Variants in CPT1C observed in about 807,000 individuals in gnomAD.
CPT1C encodes palmitoyl thioesterase CPT1C.
Under a neutral mutation model 97.3 loss-of-function variants are expected in CPT1C, and 61 were observed. The ratio of observed to expected loss-of-function variants is 0.63; its 90% CI spans 0.51 to 0.78. The LOEUF (loss-of-function observed/expected upper bound fraction) is 0.78. Among genes scored for constraint, CPT1C ranks in the 30% least tolerant of loss-of-function variants. The probability of loss-of-function intolerance (pLI) is 0.00; values close to 1 mark genes in which losing one functional copy is unlikely to be tolerated. For missense variants in CPT1C, 975 were observed against 1,065.5 expected, an observed-to-expected ratio of 0.92 and a Z score of 1.18; for synonymous variants, 469 against 447.2, an observed-to-expected ratio of 1.05 and a Z score of -0.61.
At chr19:49,704,912 C>A in intron 8 of CPT1C, 95 bp from the exon 9 acceptor site, 1 of 1,403,692 alleles carries the variant, frequency 7.1e-7, no homozygotes. Context: ...ATCATTCCAC[C>A]CTCTTTTGGG....
intron 8 of CPT1C, 50 bp downstream of exon 8, chr19:49,704,837 G>A: frequency 1.3e-6 from 2 of 1,553,402 alleles, no homozygotes; most frequent in Non-Finnish European, 1.8e-6. Context: ...AGGGTTGGGG[G>A]GTACCTGGGC....
intron 4 of CPT1C, among the ~76,000 whole-genome samples, chr19:49,699,847 G>A (rs1488318689): frequency 6.6e-6 from 1 of 151,454 alleles, no homozygotes; most frequent in South Asian, 2.1e-4. Flanking sequence ...CCAGCTACTC[G>A]GGAGGCTGAG....
rs772384416 is a variant in CPT1C at position 49,697,317 on chromosome 19, T to TC, written c.142-5dup. 6.2e-7 allele frequency: 1 copy of TC among 1,613,808 alleles called. No homozygotes were observed. Among genetic ancestry groups the TC allele is most frequent in the Non-Finnish European group, 8.5e-7 (1 of 1,179,970 alleles). On this transcript the variant is annotated splice_polypyrimidine_tract_variant and intron_variant, in intron 3 of 19. Transcript: ENST00000598293. The stretch of plus-strand genomic sequence containing the variant: ...AGATGATTCAATGGATGCCCTTTCC[T>TC]CCCCACAGAATGACTTTCTCACCGG...
At chr19:49,703,153 TTTCC>T (rs1217040244) in intron 7 of CPT1C, among the ~76,000 whole-genome samples, 1 of 130,166 alleles carries the variant, frequency 7.7e-6, no homozygotes, top group Admixed American at 7.7e-5. Context: ...TCCTACCTTC[TTTCC>T]TGCCTGCCTG....
intron 3 of CPT1C, among the ~76,000 whole-genome samples, chr19:49,694,072 A>T (rs1012478028): frequency 7.6e-6 from 1 of 131,360 alleles, no homozygotes; most frequent in Admixed American, 7.4e-5. Context: ...CTCAAAAAAA[A>T]ATAAAATAAA....
intron 14 of CPT1C, among the ~76,000 whole-genome samples, 188 bp downstream of exon 14, chr19:49,709,027 A>T (rs2083682736): frequency 6.8e-6 from 1 of 146,520 alleles, no homozygotes; most frequent in African/African-American, 2.6e-5. Flanking sequence ...CACGAACCTC[A>T]TCTCCAGCCC....
At position 49,706,401 on chromosome 19, in the gene CPT1C, G is replaced by A. The variant is rs752011825; in HGVS notation, c.1331G>A (p.Arg444Gln). ...DAYAHALLAG[R>Q]GHDRWFDKSF... ...TACGCCCATGCTCTGCTGGCCGGCCGGGGCCATGATCGGTGAGTGAGTCTT... is the reference window on the plus strand; with the variant it reads ...TACGCCCATGCTCTGCTGGCCGGCCAGGGCCATGATCGGTGAGTGAGTCTT... Residue 444 changes from arginine to glutamine, a missense_variant, in exon 12 of 20, where the codon CGG becomes CAG. Around this residue, in one of 3 missense-constraint regions of CPT1C, gnomAD observed 596 missense variants for 603.1 expected, o/e 0.99. Coordinates refer to ENST00000598293, the MANE Select transcript of CPT1C (RefSeq NM_001199753.2). This position sits in a 1 kb window ranked among gnomAD's most constrained non-coding sequence, Gnocchi z 4.8. 21 of 1,486,900 alleles carry A rather than the reference G, an allele frequency of 1.4e-5. No individual in the cohort carries two copies. Among genetic ancestry groups the A allele is most frequent in the South Asian group, 2.7e-5 (2 of 73,786 alleles). The allele number at this position is 1,486,900 out of a possible 1,614,324, so 92.1% of individuals were successfully genotyped here. A position where few individuals can be genotyped will look rare whatever the true frequency, so the allele number is the denominator to read the frequency against.
chr19:49,701,574 G>C lies in CPT1C; in HGVS notation c.633G>C (p.Arg211Ser). 6.2e-7 allele frequency: 1 copy of C among 1,612,684 alleles called. No individual in the cohort carries two copies. Among genetic ancestry groups the C allele is most frequent in the Non-Finnish European group, 8.5e-7 (1 of 1,179,278 alleles). ...WTAVLAQEFL[R>S]LQASLLQWYL... ...CGGTCCTGGCGCAGGAATTCCTGAG[G>C]CTGCAGGCGTCGCTGCTGCAGTGGT... The change falls in exon 7 of 20, where the codon AGG becomes AGC. Residue 211 changes from arginine (R) to serine (S), a missense_variant. Coordinates refer to ENST00000598293, the MANE Select transcript of CPT1C (RefSeq NM_001199753.2).
At chr19:49,709,880 C>A (rs1260045335) in intron 14 of CPT1C, among the ~76,000 whole-genome samples, 2 of 147,282 alleles carry the variant, frequency 1.4e-5, no homozygotes, top group African/African-American at 2.5e-5. Flanking sequence ...CGGAGTCTTG[C>A]TCTGTACCCA....
At position 49,701,422 on chromosome 19, in the gene CPT1C, G is replaced by T. The variant is rs941965942; in HGVS notation, c.555+4G>T. ...TGTGCAGGACACCGTGCGCAAGGTGGGCCTGGGAGCGCGCAGACGGGCTGG... is the reference window on the plus strand; with the variant it reads ...TGTGCAGGACACCGTGCGCAAGGTGTGCCTGGGAGCGCGCAGACGGGCTGG... On this transcript the variant is annotated splice_donor_region_variant and intron_variant, in intron 6 of 19. Coordinates refer to ENST00000598293, the MANE Select transcript of CPT1C (RefSeq NM_001199753.2). The T allele has an allele frequency of 6.2e-7, 1 of 1,603,146 alleles. No individual in the cohort carries two copies. Among genetic ancestry groups the T allele is most frequent in the Admixed American group, 1.7e-5 (1 of 59,112 alleles).
intron 15 of CPT1C, 109 bp from the exon 16 acceptor site, chr19:49,710,614 C>T (rs757720609): frequency 6.4e-6 from 10 of 1,566,170 alleles, no homozygotes; most frequent in Non-Finnish European, 7.9e-6. Context: ...CTCTTCCAAC[C>T]ATTCTTGGGC....
chr19:49,691,479 T>C (rs540389122), intron 1 of CPT1C, 139 bp downstream of exon 1: 41 of 152,160 alleles, frequency 2.7e-4, no homozygotes, highest in African/African-American at 8.2e-4. Context: ...CTGCGAGGCA[T>C]GCGCAGTGGG....
chr19:49,706,276 G>T lies in CPT1C; in HGVS notation c.1206G>T (p.Ala402=). ...GGACATCCCTGAAGACCCAGGCAGCGGAGGCCCTGGAGGCGGTGGAAGGGG... is the reference window on the plus strand; with the variant it reads ...GGACATCCCTGAAGACCCAGGCAGCTGAGGCCCTGGAGGCGGTGGAAGGGG... ...QVRTSLKTQA[A]EALEAVEGAA... The change falls in exon 12 of 20, where the codon GCG becomes GCT. Residue 402 remains alanine (A), a synonymous_variant. Coordinates refer to ENST00000598293, the MANE Select transcript of CPT1C (RefSeq NM_001199753.2). This position sits in a 1 kb window ranked among gnomAD's most constrained non-coding sequence, Gnocchi z 4.8. The T allele has an allele frequency of 4.6e-6, 7 of 1,536,226 alleles. No individual in the cohort carries two copies. Among genetic ancestry groups the T allele is most frequent in the Non-Finnish European group, 6.1e-6 (7 of 1,144,682 alleles).
At position 49,710,805 on chromosome 19, in the gene CPT1C, G is replaced by C; in HGVS notation, c.1814G>C (p.Cys605Ser). The C allele has an allele frequency of 1.2e-6, 2 of 1,614,038 alleles. No individual in the cohort carries two copies. The highest frequency in any genetic ancestry group is 1.7e-6 in the Non-Finnish European group (2 of 1,179,956). Reference sequence around the variant, plus strand: ...GGCCGGACGGAGACGGTGCGGTCTTGCACGAGGGAGGCCTGCAACTTTGTC... The same window carrying C: ...GGCCGGACGGAGACGGTGCGGTCTTCCACGAGGGAGGCCTGCAACTTTGTC... ...LEGRTETVRSCTREACNFVRA... is the reference protein window; with the variant it reads ...LEGRTETVRSSTREACNFVRA... The change falls in exon 16 of 20, where the codon TGC becomes TCC. Residue 605 changes from cysteine (C) to serine (S), a missense_variant. Physicochemically the swap from Cys to Ser is moderately radical, Grantham distance 112. This residue lies in a region of CPT1C where 344 missense variants were observed against 395.7 expected (regional missense o/e 0.87). Coordinates refer to ENST00000598293, the MANE Select transcript of CPT1C (RefSeq NM_001199753.2).
chr19:49,695,000 GCGTGGTGGC>G (rs2082579861), intron 3 of CPT1C, among the ~76,000 whole-genome samples: 3 of 151,908 alleles, frequency 2.0e-5, no homozygotes, highest in Non-Finnish European at 4.4e-5. Context: ...AATTAGCTGG[GCGTGGTGGC>G]AGTCACCTGT....
rs748659009 is a variant in CPT1C, at chr19:49,710,422, C to T, written c.1669C>T (p.Arg557Ter). The T allele has an allele frequency of 3.1e-6, 5 of 1,614,136 alleles. No individual in the cohort carries two copies. Among genetic ancestry groups the T allele is most frequent in the South Asian group, 2.2e-5 (2 of 91,078 alleles). Residue 557 changes from arginine (R) to a stop codon, truncating the protein, a stop_gained, in exon 15 of 20, where the codon CGA becomes TGA. Transcript: ENST00000598293. LOFTEE classifies it high-confidence loss of function. ...CTCCCTATTTGGCAAGAGCTTCATC[C>T]GACGCTGCCACCTCTCTTCAGACAG... is the stretch of plus-strand genomic sequence containing the variant. The part of the protein sequence containing the change: ...PFSLFGKSFI[R>*]RCHLSSDSFI...
At position 49,708,836 on chromosome 19, in the gene CPT1C, C is replaced by T. The variant is rs747563093; in HGVS notation, c.1563C>T (p.Asp521=). ...QPQRLQWDLP[D]QIHSSISLAL... is the part of the protein sequence containing the mutation. ...AGCGGCTGCAATGGGACCTTCCAGACCAGGTGAGGCTGGGTTTCTGGGCCT... is the reference window on the plus strand; with the variant it reads ...AGCGGCTGCAATGGGACCTTCCAGATCAGGTGAGGCTGGGTTTCTGGGCCT... The change falls in exon 14 of 20, where the codon GAC becomes GAT. Residue 521 remains aspartate (D), a synonymous_variant. Coordinates refer to ENST00000598293, the MANE Select transcript of CPT1C (RefSeq NM_001199753.2). The T allele has an allele frequency of 1.1e-5, 17 of 1,606,188 alleles. 1 individual carries two copies. The South Asian group carries it at 1.5e-4, about 15-fold the overall frequency.
At chr19:49,692,507 T>C in intron 3 of CPT1C, 114 bp downstream of exon 3, 4 of 1,324,714 alleles carry the variant, frequency 3.0e-6, no homozygotes, top group Non-Finnish European at 4.1e-6. Context: ...CTATCACCCC[T>C]TTTTCTTAGA....
chr19:49,710,517 G>C (rs2083796284), intron 15 of CPT1C, 33 bp downstream of exon 15: 1 of 1,613,610 alleles, frequency 6.2e-7, no homozygotes, highest in Admixed American at 1.7e-5. Flanking sequence ...AGCCCCCGCA[G>C]GGTCTCAGTC....
Sources: gnomAD v4.1 joint callset for allele counts (sites outside exome capture counted in the v4.1 genomes callset) on GRCh38, gnomAD v4.1.1 for gene constraint, gnomAD v4.1.1 regional missense constraint, Gnocchi (gnomAD v3.1) non-coding constraint, MANE v1.5 for transcripts, NCBI Gene and HGNC (gene_info 2026-07-23, HGNC 2026-07-21) for gene names.